Variants in EIF4EBP2 observed in about 807,000 individuals in gnomAD.
EIF4EBP2 encodes the protein eukaryotic translation initiation factor 4E-binding protein 2.
EIF4EBP2 carries 5 observed loss-of-function variants against 10.3 expected under a neutral mutation model. The ratio of observed to expected loss-of-function variants is 0.48; its 90% confidence interval spans 0.25 to 1.02. The LOEUF is 1.02. Ranked by LOEUF, EIF4EBP2 falls within the 50% of genes least tolerant of loss-of-function variation. The probability of loss-of-function intolerance (pLI) is 0.15; values close to 1 mark genes in which losing one functional copy is unlikely to be tolerated. For synonymous variants in EIF4EBP2, 67 were observed against 61.1 expected, an observed-to-expected ratio of 1.10 and a Z score of -0.45; for missense variants, 188 against 162.2, an observed-to-expected ratio of 1.16 and a Z score of -0.86.
At chr10:70,410,787 G>A (rs958662204) in intron 1 of EIF4EBP2, among the ~76,000 whole-genome samples, 2 of 152,240 alleles carry the variant, frequency 1.3e-5, no homozygotes, top group African/African-American at 4.8e-5. Flanking sequence ...CTTGCTGCTT[G>A]TTCATCTTGT....
chr10:70,416,334 A>G (rs772662736), intron 1 of EIF4EBP2, among the ~76,000 whole-genome samples: 40 of 152,252 alleles, frequency 2.6e-4, no homozygotes, highest in Middle Eastern at 3.4e-3. Context: ...TAATCCTAAC[A>G]CTTTGGGAGG....
intron 1 of EIF4EBP2, among the ~76,000 whole-genome samples, chr10:70,408,748 T>TA (rs1484680065): frequency 1.3e-5 from 2 of 152,174 alleles, no homozygotes; most frequent in African/African-American, 4.8e-5. Context: ...AAGTAGGAAA[T>TA]ACAGTCCTTG....
rs1845171508 is a variant in EIF4EBP2, at chr10:70,422,769, T to C, written c.*1022T>C. On this transcript the variant is annotated 3_prime_UTR_variant, in exon 3 of 3. Coordinates refer to ENST00000373218, the MANE Select transcript of EIF4EBP2 (RefSeq NM_004096.5). ...TCGTCATTTTTAAGTCCAGTGAGCA[T>C]TGTGGTAGTTGTTCTTAGATTGCAG... The C allele has an allele frequency of 2.0e-5, 3 of 152,196 alleles. No homozygotes were observed. The highest frequency in any genetic ancestry group is 4.4e-5 in the Non-Finnish European group (3 of 68,028). 9.4% of individuals were successfully genotyped at this position (152,196 alleles called of 1,614,324 possible). A position where few individuals can be genotyped will look rare whatever the true frequency, so the allele number is the denominator to read the frequency against.
intron 1 of EIF4EBP2, among the ~76,000 whole-genome samples, chr10:70,413,695 A>G (rs1286603457): frequency 3.4e-4 from 52 of 151,904 alleles, no homozygotes; most frequent in Non-Finnish European, 2.9e-5. Flanking sequence ...TGCTTTTACT[A>G]TAGTTTGATT....
Position 70,421,812 on chromosome 10 carries a change from T to C in EIF4EBP2, c.*65T>C. ...ACTTGTGTGCACCTGATTTGGCCAA[T>C]AGGATCAACAGTGAAAAGACAGAAG... On this transcript the variant is annotated 3_prime_UTR_variant, in exon 3 of 3. Transcript: ENST00000373218. 1 of 1,505,810 alleles carries C rather than the reference T, an allele frequency of 6.6e-7. No individual in the cohort carries two copies. The highest frequency in any genetic ancestry group is 9.2e-7 in the Non-Finnish European group (1 of 1,085,512). 93.3% of individuals were successfully genotyped at this position (1,505,810 alleles called of 1,614,324 possible). A position where few individuals can be genotyped will look rare whatever the true frequency, so the allele number is the denominator to read the frequency against.
intron 1 of EIF4EBP2, among the ~76,000 whole-genome samples, chr10:70,406,897 A>G (rs1040312117): frequency 1.3e-5 from 2 of 151,338 alleles, no homozygotes; most frequent in African/African-American, 2.5e-5. Context: ...TTATTTGTTT[A>G]TTTATTTATT....
At chr10:70,417,524 A>G (rs1380874103) in intron 1 of EIF4EBP2, among the ~76,000 whole-genome samples, 1 of 152,240 alleles carries the variant, frequency 6.6e-6, no homozygotes, top group East Asian at 1.9e-4. Context: ...AAAATACCGT[A>G]TCTTATCAGC....
At chr10:70,416,346 C>T (rs963692570) in intron 1 of EIF4EBP2, among the ~76,000 whole-genome samples, 4 of 152,176 alleles carry the variant, frequency 2.6e-5, no homozygotes, top group East Asian at 1.9e-4. Flanking sequence ...TTTGGGAGGC[C>T]GAGCTGGGCA....
intron 1 of EIF4EBP2, among the ~76,000 whole-genome samples, chr10:70,411,377 C>A (rs1845042252): frequency 6.6e-6 from 1 of 151,782 alleles, no homozygotes; most frequent in African/African-American, 2.4e-5. Flanking sequence ...TTTTTTCTTG[C>A]CATTTTGCTT....
At chr10:70,405,757 C>CTT (rs1018072311) in intron 1 of EIF4EBP2, among the ~76,000 whole-genome samples, 5 of 152,248 alleles carry the variant, frequency 3.3e-5, no homozygotes, top group African/African-American at 9.6e-5. Flanking sequence ...TTCTTGCCAA[C>CTT]ACCAAGGGAT....
chr10:70,416,740 C>T (rs1033723660), intron 1 of EIF4EBP2, among the ~76,000 whole-genome samples: 1 of 149,094 alleles, frequency 6.7e-6, no homozygotes, highest in Non-Finnish European at 1.5e-5. Flanking sequence ...TCATGGCTCA[C>T]TGTAACCTCC....
In EIF4EBP2 at chr10:70,404,650, C is replaced by G. The variant is rs1844949834; in HGVS notation, c.145+104C>G. 9.6e-6 allele frequency: 13 copies of G among 1,358,678 alleles called. No individual in the cohort carries two copies. In the South Asian group the frequency reaches 2.0e-4, roughly 21 times the overall value. 84.2% of individuals were successfully genotyped at this position (1,358,678 alleles called of 1,614,324 possible). A position where few individuals can be genotyped will look rare whatever the true frequency, so the allele number is the denominator to read the frequency against. ...GCTTCGCCCCCGCCCCCAGCTCCAC[C>G]GAAGCCCCGGGGACGCTGCCCTTGG... On this transcript the variant is annotated intron_variant, in intron 1 of 2. Transcript: ENST00000373218.
rs753546022 is a variant in EIF4EBP2, at chr10:70,420,074, C to T, written c.306C>T (p.Asn102=). ...AAGTAAACAATTTGAACAACTTGAA[C>T]AATCACGACAGGAAACATGCAGTTG... ...KVEVNNLNNL[N]NHDRKHAVGD... Residue 102 remains asparagine, a synonymous_variant, in exon 2 of 3, where the codon AAC becomes AAT. Transcript: ENST00000373218. 59 of 1,608,762 alleles carry T rather than the reference C, an allele frequency of 3.7e-5. No individual in the cohort carries two copies. Among genetic ancestry groups the T allele is most frequent in the Non-Finnish European group, 4.4e-5 (52 of 1,178,286 alleles).
At chr10:70,406,909 A>ATTTG (rs2137222304) in intron 1 of EIF4EBP2, among the ~76,000 whole-genome samples, 1 of 151,934 alleles carries the variant, frequency 6.6e-6, no homozygotes, top group African/African-American at 2.4e-5. Context: ...TTATTTATTT[A>ATTTG]TTTTTGGAGA....
intron 1 of EIF4EBP2, among the ~76,000 whole-genome samples, chr10:70,406,747 G>C (rs1442106222): frequency 1.3e-5 from 2 of 152,134 alleles, no homozygotes; most frequent in African/African-American, 4.8e-5. Flanking sequence ...CTCAATCACT[G>C]TTTTCTCAAA....
chr10:70,409,774 C>G (rs114767735), intron 1 of EIF4EBP2, among the ~76,000 whole-genome samples: 2,230 of 152,302 alleles, frequency 0.015, 58 homozygotes, highest in African/African-American at 0.051. Flanking sequence ...TTTACCCTTT[C>G]TCTTTGCCTT....
At position 70,404,385 on chromosome 10, in the gene EIF4EBP2, A is replaced by G; in HGVS notation, c.-17A>G. The G allele has an allele frequency of 6.5e-7, 1 of 1,549,722 alleles. No individual in the cohort carries two copies. On this transcript the variant is annotated 5_prime_UTR_variant, in exon 1 of 3. Coordinates refer to ENST00000373218, the MANE Select transcript of EIF4EBP2 (RefSeq NM_004096.5). ...CGCCTGCCCGCCGGACAAAGCCGAG[A>G]GCCCGCGCCCACAGCCATGTCCTCG...
chr10:70,412,965 G>A (rs1845060315), intron 1 of EIF4EBP2, among the ~76,000 whole-genome samples: 1 of 152,148 alleles, frequency 6.6e-6, no homozygotes, highest in Admixed American at 6.5e-5. Flanking sequence ...AGGGTAAAAT[G>A]CCAGTAGACA....
Position 70,426,953 on chromosome 10 carries a change from T to A in EIF4EBP2, c.*5206T>A, listed in dbSNP as rs144189665. ...TAGCCAGTATACATAGAGGAACTGC[T>A]TCGAATCAAGGCAACTGGTGAAGGG... is the stretch of plus-strand genomic sequence containing the variant. On this transcript the variant is annotated 3_prime_UTR_variant, in exon 3 of 3. Coordinates refer to ENST00000373218, the MANE Select transcript of EIF4EBP2 (RefSeq NM_004096.5). The A allele has an allele frequency of 6.6e-6, 1 of 152,326 alleles. No homozygotes were observed. The highest frequency in any genetic ancestry group is 6.5e-5 in the Admixed American group (1 of 15,280). 9.4% of individuals were successfully genotyped at this position (152,326 alleles called of 1,614,324 possible).
Sources: allele counts gnomAD v4.1 joint callset (sites outside exome capture counted in the v4.1 genomes callset), GRCh38; gene constraint gnomAD v4.1.1; transcripts MANE v1.5; gene names NCBI Gene and HGNC (gene_info 2026-07-23, HGNC 2026-07-21).